Variants in SMARCA2 observed in about 807,000 individuals in gnomAD.
SMARCA2 encodes the protein SWI/SNF-related matrix-associated actin-dependent regulator of chromatin subfamily A member 2.
A neutral mutation model predicts 199.8 loss-of-function variants in SMARCA2; 61 were observed. That is an observed-to-expected ratio of 0.31 (90% CI 0.25 to 0.38). The LOEUF is 0.38. SMARCA2 is among the 10% of genes least tolerant of loss of function. The pLI is 1.00. For missense variants in SMARCA2, 1,344 were observed against 2,012.2 expected, an observed-to-expected ratio of 0.67 and a Z score of 6.35; for synonymous variants, 935 against 732.0, an observed-to-expected ratio of 1.28 and a Z score of -4.48.
In SMARCA2 at chr9:2,104,201, A is replaced by G; in HGVS notation, c.3292+32A>G. The G allele has an allele frequency of 6.3e-7, 1 of 1,588,198 alleles. No homozygotes were observed. Among genetic ancestry groups the G allele is most frequent in the Non-Finnish European group, 8.6e-7 (1 of 1,161,968 alleles). ...GCATAAGGCATTAGGCTCGGAAGCC[A>G]TACTACTGAAAATGAAGGGATAATG... On this transcript the variant is annotated intron_variant, in intron 23 of 33. Transcript: ENST00000349721. The surrounding 1 kb of genome is among the most constrained non-coding windows in gnomAD (Gnocchi z 4.0).
chr9:2,180,458 G>A (rs904064160), intron 29 of SMARCA2, among the ~76,000 whole-genome samples: 2 of 152,196 alleles, frequency 1.3e-5, no homozygotes, highest in Admixed American at 6.5e-5. Flanking sequence ...AAAACAGCAT[G>A]TTGTCACTCA....
intron 28 of SMARCA2, among the ~76,000 whole-genome samples, chr9:2,163,509 A>G (rs1473955240): frequency 1.3e-5 from 2 of 152,216 alleles, no homozygotes; most frequent in Non-Finnish European, 2.9e-5. Flanking sequence ...CTCCCCTTGT[A>G]TATTTGCCAC....
Position 2,039,812 on chromosome 9 carries a change from G to A in SMARCA2, c.702G>A (p.Gln234=), listed in dbSNP as rs1318313601. 1.9e-6 allele frequency: 3 copies of A among 1,606,162 alleles called. No individual in the cohort carries two copies. The highest frequency in any genetic ancestry group is 1.1e-5 in the South Asian group (1 of 90,334). ...AGCAGCAGCAGCAGCAGCAGCAGCAGCAGCAACAGCAGCCGCAGCAGCAGC... is the reference window on the plus strand; with the variant it reads ...AGCAGCAGCAGCAGCAGCAGCAGCAACAGCAACAGCAGCCGCAGCAGCAGC... ...QQQQQQQQQQ[Q]QQQQPQQQPP... The change falls in exon 4 of 34, where the codon CAG becomes CAA. Residue 234 remains glutamine (Q), a synonymous_variant. Coordinates refer to ENST00000349721, the MANE Select transcript of SMARCA2 (RefSeq NM_003070.5). The surrounding 1 kb of genome is among the most constrained non-coding windows in gnomAD (Gnocchi z 4.8).
At chr9:2,079,627 C>G (rs1268192555) in intron 14 of SMARCA2, among the ~76,000 whole-genome samples, 1 of 152,270 alleles carries the variant, frequency 6.6e-6, no homozygotes, top group South Asian at 2.1e-4. Flanking sequence ...CCCTGAGAAC[C>G]CCTGGAACAC....
intron 7 of SMARCA2, among the ~76,000 whole-genome samples, chr9:2,057,773 A>G (rs1820421248): frequency 6.6e-6 from 1 of 152,166 alleles, no homozygotes; most frequent in South Asian, 2.1e-4. Flanking sequence ...TTTTGAAAAA[A>G]TGTTGGATTT....
At chr9:2,040,042 C>T (rs1819537654) in intron 4 of SMARCA2, 142 bp downstream of exon 4, 3 of 1,429,940 alleles carry the variant, frequency 2.1e-6, no homozygotes, top group South Asian at 2.8e-5. Context: ...CCTTGCTCCA[C>T]TTAGATGGCC....
At chr9:2,083,272 A>C in intron 15 of SMARCA2, 75 bp from the exon 16 acceptor site, 2 of 954,208 alleles carry the variant, frequency 2.1e-6, no homozygotes, top group Non-Finnish European at 3.2e-6. Context: ...CCTGAACATG[A>C]ATAAGAACAT....
At chr9:2,125,516 GTC>G (rs1177179249) in intron 27 of SMARCA2, among the ~76,000 whole-genome samples, 1 of 141,412 alleles carries the variant, frequency 7.1e-6, no homozygotes, top group East Asian at 2.1e-4. Flanking sequence ...TTGAGACAGA[GTC>G]TCTCTCTGTC....
At chr9:2,046,759 A>T (rs372787440) in intron 4 of SMARCA2, among the ~76,000 whole-genome samples, 2 of 151,224 alleles carry the variant, frequency 1.3e-5, no homozygotes, top group Non-Finnish European at 3.0e-5. Flanking sequence ...TTTTAGGACC[A>T]TACCCAAATT....
At chr9:2,085,564 A>T (rs1821765489) in intron 17 of SMARCA2, among the ~76,000 whole-genome samples, 1 of 152,138 alleles carries the variant, frequency 6.6e-6, no homozygotes, top group African/African-American at 2.4e-5. Context: ...TGCTGTTGGT[A>T]AGTCTGAGGC....
intron 19 of SMARCA2, among the ~76,000 whole-genome samples, chr9:2,094,763 A>G (rs555316517): frequency 1.3e-5 from 2 of 152,320 alleles, no homozygotes; most frequent in Admixed American, 6.5e-5. Flanking sequence ...TTGTGTGTTA[A>G]ATGAGAGAAG....
chr9:2,103,661 T>TGTGTGAGAGA (rs1256201273), intron 22 of SMARCA2, among the ~76,000 whole-genome samples: 2 of 142,236 alleles, frequency 1.4e-5, no homozygotes, highest in African/African-American at 5.5e-5. Context: ...TGTGTGTGTG[T>TGTGTGAGAGA]GAGAGAGAGA....
At chr9:2,181,723 C>A in intron 30 of SMARCA2, 47 bp downstream of exon 30, 2 of 995,314 alleles carry the variant, frequency 2.0e-6, no homozygotes, top group Non-Finnish European at 3.2e-6. Context: ...AATAAAGGAG[C>A]AGTGTAAAGT....
chr9:2,181,450 G>A, intron 29 of SMARCA2, 121 bp from the exon 30 acceptor site: 1 of 635,964 alleles, frequency 1.6e-6, no homozygotes, highest in Non-Finnish European at 2.9e-6. Context: ...GACTTAAAAA[G>A]CTCCATATCT....
chr9:2,120,538 A>G (rs1482076687), intron 26 of SMARCA2, among the ~76,000 whole-genome samples: 1 of 152,178 alleles, frequency 6.6e-6, no homozygotes, highest in Admixed American at 6.5e-5. Flanking sequence ...ACAAAACACA[A>G]CTGTGGGCCA....
At chr9:2,155,085 T>G (rs12551216) in intron 27 of SMARCA2, among the ~76,000 whole-genome samples, 3 of 152,076 alleles carry the variant, frequency 2.0e-5, no homozygotes, top group African/African-American at 7.3e-5. Context: ...GTGCCTAACT[T>G]GTAAGAACAA....
In SMARCA2 at chr9:2,170,224, T is replaced by C. The variant is rs1018035547; in HGVS notation, c.4200-195T>C. Among the ~76,000 whole-genome samples, 4 of 152,142 alleles carry C rather than the reference T, an allele frequency of 2.6e-5. No homozygotes were observed. Among genetic ancestry groups the C allele is most frequent in the African/African-American group, 9.7e-5 (4 of 41,422 alleles). ...ATCCCAGAAAGGTTAGGAAATCCACTTCCCCCACCATTTTTAGAGAACTAT... is the reference window on the plus strand; with the variant it reads ...ATCCCAGAAAGGTTAGGAAATCCACCTCCCCCACCATTTTTAGAGAACTAT... On this transcript the variant is annotated intron_variant, in intron 28 of 33. Coordinates refer to ENST00000349721, the MANE Select transcript of SMARCA2 (RefSeq NM_003070.5). This position sits in a 1 kb window ranked among gnomAD's most constrained non-coding sequence, Gnocchi z 4.7.
In SMARCA2 at chr9:2,118,158, G is replaced by A. The variant is rs150567194; in HGVS notation, c.3685-1300G>A. On this transcript the variant is annotated intron_variant, in intron 25 of 33. Transcript: ENST00000349721. The stretch of plus-strand genomic sequence containing the variant: ...GTTCTAGGAAGAAAGTAGGCGAAGC[G>A]GGACATCTGTTCACCAGAGGAGACA... Among the ~76,000 whole-genome samples the A allele has an allele frequency of 7.1e-3, 1,081 of 152,264 alleles. 13 individuals are homozygous for A. Among genetic ancestry groups the A allele is most frequent in the African/African-American group, 0.025 (1,030 of 41,548 alleles).
intron 9 of SMARCA2, among the ~76,000 whole-genome samples, 173 bp from the exon 10 acceptor site, chr9:2,070,245 A>T (rs1400411280): frequency 6.6e-6 from 1 of 152,230 alleles, no homozygotes; most frequent in Non-Finnish European, 1.5e-5. Context: ...TTGCTAATAA[A>T]ATACATGTTT....
Sources: gnomAD v4.1 joint callset for allele counts (sites outside exome capture counted in the v4.1 genomes callset) on GRCh38, gnomAD v4.1.1 for gene constraint, Gnocchi (gnomAD v3.1) non-coding constraint, MANE v1.5 for transcripts, NCBI Gene and HGNC (gene_info 2026-07-23, HGNC 2026-07-21) for gene names.